Variants in NWD2 observed in about 807,000 individuals in gnomAD.
NWD2 encodes the protein NACHT and WD repeat domain-containing protein 2.
Under a neutral mutation model 132.7 loss-of-function variants are expected in NWD2, and 37 were observed. The ratio of observed to expected loss-of-function variants is 0.28; its 90% confidence interval spans 0.21 to 0.37. NWD2 has a LOEUF of 0.37. Ranked by LOEUF, NWD2 falls within the 10% of genes least tolerant of loss-of-function variation. NWD2 has a pLI of 1.00. For synonymous variants in NWD2, 705 were observed against 803.0 expected, an observed-to-expected ratio of 0.88 and a Z score of 2.06; for missense variants, 1,592 against 2,122.4, an observed-to-expected ratio of 0.75 and a Z score of 4.91.
intron 2 of NWD2, among the ~76,000 whole-genome samples, chr4:37,327,879 C>A (rs1719205799): frequency 6.6e-6 from 1 of 152,062 alleles, no homozygotes; most frequent in Non-Finnish European, 1.5e-5. Context: ...GTGCACTGAA[C>A]CCAGAACATA....
intron 2 of NWD2, among the ~76,000 whole-genome samples, chr4:37,355,072 G>A (rs757924982): frequency 6.6e-6 from 1 of 152,122 alleles, no homozygotes; most frequent in Non-Finnish European, 1.5e-5. Flanking sequence ...TGTCCAACAT[G>A]AGAGCCAGTA....
At chr4:37,423,138 A>G (rs1016284115) in intron 3 of NWD2, among the ~76,000 whole-genome samples, 2 of 152,214 alleles carry the variant, frequency 1.3e-5, no homozygotes, top group African/African-American at 4.8e-5. Flanking sequence ...GCAACCCTGC[A>G]TACAAGCGTG....
At chr4:37,311,891 T>C (rs999537008) in intron 1 of NWD2, among the ~76,000 whole-genome samples, 1 of 151,456 alleles carries the variant, frequency 6.6e-6, no homozygotes, top group Admixed American at 6.5e-5. Flanking sequence ...AGGGAATCCT[T>C]TCCCTATTGC....
At chr4:37,274,780 C>A (rs545962238) in intron 1 of NWD2, among the ~76,000 whole-genome samples, 1 of 151,916 alleles carries the variant, frequency 6.6e-6, no homozygotes, top group South Asian at 2.1e-4. Flanking sequence ...GTTCAACATA[C>A]GCAAATCAAT....
chr4:37,359,925 C>G (rs575902034), intron 3 of NWD2, among the ~76,000 whole-genome samples: 103 of 152,278 alleles, frequency 6.8e-4, no homozygotes, highest in African/African-American at 2.4e-3. Flanking sequence ...TGGTCCTGCT[C>G]TCAGAGGACT....
At chr4:37,403,800 C>T (rs1005003953) in intron 3 of NWD2, among the ~76,000 whole-genome samples, 19 of 152,296 alleles carry the variant, frequency 1.2e-4, no homozygotes, top group Admixed American at 2.6e-4. Context: ...AAGAGATAGG[C>T]TTCAAGTCAT....
intron 2 of NWD2, among the ~76,000 whole-genome samples, chr4:37,335,276 T>A (rs1485497948): frequency 1.0e-5 from 1 of 98,232 alleles, no homozygotes; most frequent in African/African-American, 3.9e-5. Context: ...TCTCACCCAC[T>A]GTGCCCTCTG....
At chr4:37,364,228 T>C (rs1720040749) in intron 3 of NWD2, among the ~76,000 whole-genome samples, 2 of 152,146 alleles carry the variant, frequency 1.3e-5, no homozygotes, top group Admixed American at 1.3e-4. Flanking sequence ...GGAGAATCCG[T>C]CCCCACTCCA....
intron 1 of NWD2, among the ~76,000 whole-genome samples, chr4:37,289,883 A>G (rs1718322864): frequency 1.5e-5 from 2 of 136,106 alleles, no homozygotes; most frequent in South Asian, 2.2e-4. Context: ...GTTATCAGCA[A>G]AGGCTTTTTT....
At chr4:37,309,160 A>G (rs1718776472) in intron 1 of NWD2, among the ~76,000 whole-genome samples, 1 of 152,168 alleles carries the variant, frequency 6.6e-6, no homozygotes, top group Non-Finnish European at 1.5e-5. Flanking sequence ...CCCTGCAGGC[A>G]ATGCAGCAGC....
rs1577642160 is a variant in NWD2, at chr4:37,245,329, C to T, written c.151+111C>T. The T allele has an allele frequency of 7.0e-6, 9 of 1,280,630 alleles. No homozygotes were observed. In the East Asian group the frequency reaches 1.1e-4, roughly 15 times the overall value. The allele number at this position is 1,280,630 out of a possible 1,614,324, so 79.3% of individuals were successfully genotyped here. ...CGGTGCGCCCTGCGCTCCCTTCCTC[C>T]AGCTAAAGCCGTGGCCGCCCTGAGC... On this transcript the variant is annotated intron_variant, in intron 1 of 6. Transcript: ENST00000309447.
chr4:37,372,105 G>A (rs1720240095), intron 3 of NWD2, among the ~76,000 whole-genome samples: 1 of 151,992 alleles, frequency 6.6e-6, no homozygotes, highest in Non-Finnish European at 1.5e-5. Flanking sequence ...AATAATTATT[G>A]TACATTTAAG....
intron 3 of NWD2, among the ~76,000 whole-genome samples, chr4:37,395,617 C>T (rs1293985189): frequency 1.8e-5 from 2 of 112,972 alleles, no homozygotes; most frequent in Non-Finnish European, 3.8e-5. Context: ...AAAGAGTCTG[C>T]CTCTCCTTGG....
chr4:37,363,865 T>C (rs1720031867), intron 3 of NWD2, among the ~76,000 whole-genome samples: 1 of 152,034 alleles, frequency 6.6e-6, no homozygotes, highest in African/African-American at 2.4e-5. Flanking sequence ...GGCTCAGGCC[T>C]GTAATCCCAG....
At chr4:37,276,570 G>T (rs1449547647) in intron 1 of NWD2, among the ~76,000 whole-genome samples, 1 of 152,066 alleles carries the variant, frequency 6.6e-6, no homozygotes, top group Non-Finnish European at 1.5e-5. Flanking sequence ...AATACCATTT[G>T]ACCCAGCCAT....
intron 2 of NWD2, among the ~76,000 whole-genome samples, chr4:37,328,752 C>G (rs1041981215): frequency 2.0e-5 from 3 of 152,110 alleles, no homozygotes; most frequent in African/African-American, 7.2e-5. Context: ...ACCAGAACGC[C>G]TCTTCTCCTC....
At chr4:37,267,917 G>T (rs1380492818) in intron 1 of NWD2, among the ~76,000 whole-genome samples, 1 of 151,900 alleles carries the variant, frequency 6.6e-6, no homozygotes, top group African/African-American at 2.4e-5. Context: ...ATGAAACCAT[G>T]GTGTTCTGCC....
intron 3 of NWD2, among the ~76,000 whole-genome samples, chr4:37,363,438 T>C (rs1560404639): frequency 6.6e-6 from 1 of 152,190 alleles, no homozygotes; most frequent in Non-Finnish European, 1.5e-5. Flanking sequence ...ATAAACACCA[T>C]GGAATACTAC....
intron 3 of NWD2, among the ~76,000 whole-genome samples, chr4:37,378,214 T>G (rs1419567374): frequency 6.6e-6 from 1 of 152,220 alleles, no homozygotes; most frequent in Non-Finnish European, 1.5e-5. Flanking sequence ...CAACAACCAC[T>G]TCACAAAATA....
Sources: gnomAD v4.1 joint callset for allele counts (sites outside exome capture counted in the v4.1 genomes callset) on GRCh38, gnomAD v4.1.1 for gene constraint, MANE v1.5 for transcripts, NCBI Gene and HGNC (gene_info 2026-07-23, HGNC 2026-07-21) for gene names.